Variants in BCL2 observed in about 807,000 individuals in gnomAD.
The protein encoded by BCL2 is apoptosis regulator Bcl-2.
In BCL2, 1 loss-of-function variant was observed where a neutral mutation model predicts 14.2. The observed-to-expected ratio is 0.07, with a 90% CI of 0.02 to 0.33. The LOEUF (loss-of-function observed/expected upper bound fraction) is 0.33, where lower values mean the gene tolerates loss of function less well. Among genes scored for constraint, BCL2 ranks in the 10% least tolerant of loss-of-function variants. BCL2 has a pLI of 0.99. For synonymous variants in BCL2, 151 were observed against 137.2 expected, an observed-to-expected ratio of 1.10 and a Z score of -0.70; for missense variants, 247 against 305.9, an observed-to-expected ratio of 0.81 and a Z score of 1.44.
At chr18:63,147,885 T>C (rs1167729138) in intron 2 of BCL2, among the ~76,000 whole-genome samples, 1 of 152,206 alleles carries the variant, frequency 6.6e-6, no homozygotes, top group African/African-American at 2.4e-5. Flanking sequence ...TACAGTGTTA[T>C]TCCCTTTGGA....
intron 2 of BCL2, among the ~76,000 whole-genome samples, chr18:63,204,281 T>C (rs544903284): frequency 6.6e-6 from 1 of 152,364 alleles, no homozygotes; most frequent in South Asian, 2.1e-4. Context: ...GAATTTCTCA[T>C]CCTGAAATTG....
At chr18:63,160,348 G>A (rs1599216284) in intron 2 of BCL2, among the ~76,000 whole-genome samples, 1 of 152,290 alleles carries the variant, frequency 6.6e-6, no homozygotes, top group Middle Eastern at 3.4e-3. Flanking sequence ...CCTCTCAGCC[G>A]CCCTGTCGGC....
At chr18:63,222,373 A>G (rs1223527015) in intron 2 of BCL2, among the ~76,000 whole-genome samples, 1 of 151,658 alleles carries the variant, frequency 6.6e-6, no homozygotes, top group African/African-American at 2.4e-5. Context: ...ATCACCCCCC[A>G]ACACACACAC....
chr18:63,227,645 C>T (rs1246590522), intron 2 of BCL2, among the ~76,000 whole-genome samples: 4 of 152,134 alleles, frequency 2.6e-5, no homozygotes, highest in Non-Finnish European at 5.9e-5. Context: ...GAAGAAAAAA[C>T]AAGTAAAGAA....
chr18:63,260,647 C>T (rs1354563159), intron 2 of BCL2, among the ~76,000 whole-genome samples: 2 of 151,792 alleles, frequency 1.3e-5, no homozygotes, highest in African/African-American at 4.8e-5. Context: ...TGAGGCTCTG[C>T]GTTATGAAAC....
chr18:63,133,611 C>A (rs1165441263), intron 2 of BCL2, among the ~76,000 whole-genome samples: 2 of 151,968 alleles, frequency 1.3e-5, no homozygotes, highest in Admixed American at 1.3e-4. Context: ...TTCACGTAAA[C>A]CTAAAATGAG....
chr18:63,159,846 C>T (rs1914874468), intron 2 of BCL2, among the ~76,000 whole-genome samples: 1 of 152,234 alleles, frequency 6.6e-6, no homozygotes, highest in Non-Finnish European at 1.5e-5. Flanking sequence ...TTTCCCCGCA[C>T]AGTGGGGACT....
chr18:63,233,329 G>A (rs1306687539), intron 2 of BCL2, among the ~76,000 whole-genome samples: 2 of 152,192 alleles, frequency 1.3e-5, no homozygotes, highest in African/African-American at 4.8e-5. Flanking sequence ...ATAACTTCAA[G>A]TGATAAAGCA....
At chr18:63,177,565 C>A (rs1195340394) in intron 2 of BCL2, among the ~76,000 whole-genome samples, 1 of 152,204 alleles carries the variant, frequency 6.6e-6, no homozygotes, top group Admixed American at 6.5e-5. Flanking sequence ...CTGTCCCTGG[C>A]GCGTTTAGAC....
chr18:63,141,676 C>A (rs550720963), intron 2 of BCL2, among the ~76,000 whole-genome samples: 2 of 152,318 alleles, frequency 1.3e-5, no homozygotes, highest in Admixed American at 6.5e-5. Flanking sequence ...GGCAGACTGG[C>A]GTTTGGAATA....
At chr18:63,272,428 G>A (rs574452655) in intron 2 of BCL2, among the ~76,000 whole-genome samples, 1 of 152,174 alleles carries the variant, frequency 6.6e-6, no homozygotes, top group South Asian at 2.1e-4. Context: ...ATTTTAAATT[G>A]TACATTCTGT....
chr18:63,237,429 C>T (rs1910872112), intron 2 of BCL2, among the ~76,000 whole-genome samples: 1 of 152,194 alleles, frequency 6.6e-6, no homozygotes, highest in East Asian at 1.9e-4. Flanking sequence ...GATACAAGAT[C>T]GCATGTCTGA....
At chr18:63,305,625 A>G (rs1358901532) in intron 2 of BCL2, among the ~76,000 whole-genome samples, 2 of 152,230 alleles carry the variant, frequency 1.3e-5, no homozygotes, top group African/African-American at 2.4e-5. Context: ...TCACCCGGAA[A>G]AAAATTCTAT....
intron 2 of BCL2, among the ~76,000 whole-genome samples, chr18:63,278,717 T>C (rs1368463428): frequency 6.6e-6 from 1 of 152,196 alleles, no homozygotes; most frequent in East Asian, 1.9e-4. Flanking sequence ...TATCACAATG[T>C]TCCCCTCCTT....
chr18:63,218,068 C>T (rs1236232571), intron 2 of BCL2, among the ~76,000 whole-genome samples: 1 of 152,186 alleles, frequency 6.6e-6, no homozygotes, highest in Non-Finnish European at 1.5e-5. Context: ...GGTCAGTCAG[C>T]ATCCTTCTCT....
At chr18:63,296,449 C>T (rs146253475) in intron 2 of BCL2, among the ~76,000 whole-genome samples, 5 of 152,272 alleles carry the variant, frequency 3.3e-5, no homozygotes, top group Non-Finnish European at 7.3e-5. Context: ...ACTACAGGCA[C>T]ACGCCACCAT....
rs1389880816 is a variant in BCL2, at chr18:63,149,970, C to T, written c.586-21211G>A. 6.6e-6 allele frequency among the ~76,000 whole-genome samples: 1 copy of T among 152,106 alleles called. No individual in the cohort carries two copies. The highest frequency in any genetic ancestry group is 1.5e-5 in the Non-Finnish European group (1 of 68,024). ...TCTCGGCTCACTGCAGCCTCTGCCT[C>T]CCAGGTTCAAGCAATTCTCCTGCCT... On this transcript the variant is annotated intron_variant, in intron 2 of 2. Coordinates refer to ENST00000333681, the MANE Select transcript of BCL2 (RefSeq NM_000633.3). The surrounding 1 kb of genome is among the most constrained non-coding windows in gnomAD (Gnocchi z 4.2).
intron 2 of BCL2, among the ~76,000 whole-genome samples, chr18:63,204,294 T>C (rs1462435149): frequency 6.6e-6 from 1 of 152,238 alleles, no homozygotes; most frequent in East Asian, 1.9e-4. Context: ...TGAAATTGCT[T>C]CCACATTGAC....
chr18:63,125,252 A>C lies in BCL2; in HGVS notation c.*3373T>G, dbSNP rs1246321442. 21 of 226,324 alleles carry C rather than the reference A, an allele frequency of 9.3e-5. No individual in the cohort carries two copies. In the East Asian group the frequency reaches 1.3e-3, roughly 14 times the overall value. 14.0% of individuals were successfully genotyped at this position (226,324 alleles called of 1,614,324 possible). A position where few individuals can be genotyped will look rare whatever the true frequency, so the allele number is the denominator to read the frequency against. ...AGAGAGGTAAGTGAGCTGTGGAGAG[A>C]ATGTTGGCGTCTTGTTTGAACTAAA... On this transcript the variant is annotated 3_prime_UTR_variant, in exon 3 of 3. Coordinates refer to ENST00000333681, the MANE Select transcript of BCL2 (RefSeq NM_000633.3).
Sources: allele counts gnomAD v4.1 joint callset (sites outside exome capture counted in the v4.1 genomes callset), GRCh38; gene constraint gnomAD v4.1.1; non-coding constraint Gnocchi (gnomAD v3.1); transcripts MANE v1.5; gene names NCBI Gene and HGNC (gene_info 2026-07-23, HGNC 2026-07-21).